Variants in GAS2 observed in about 807,000 individuals in gnomAD.
GAS2 encodes the protein growth arrest-specific protein 2.
Under a neutral mutation model 37.5 loss-of-function variants are expected in GAS2, and 20 were observed. The observed-to-expected ratio is 0.53, with a 90% CI of 0.37 to 0.77. The LOEUF is 0.77. Ranked by LOEUF, GAS2 falls within the 30% of genes least tolerant of loss-of-function variation. GAS2 has a pLI of 0.00. For synonymous variants in GAS2, 144 were observed against 132.2 expected, an observed-to-expected ratio of 1.09 and a Z score of -0.61; for missense variants, 336 against 373.4, an observed-to-expected ratio of 0.90 and a Z score of 0.82.
chr11:22,652,991 T>TTCTTTCTTTCTTTC lies in GAS2; in HGVS notation c.-20-21858_-20-21857insCTTTCTTTCTTTCT, dbSNP rs769554594. On this transcript the variant is annotated intron_variant, in intron 1 of 5. Transcript: ENST00000528582. The stretch of plus-strand genomic sequence containing the variant: ...TCTTTCTTTCTTTGTCTTTCTTTCT[T>TTCTTTCTTTCTTTC]TGTCTTTCTTTCTTTCTTTCTTTCT... Among the ~76,000 whole-genome samples the TTCTTTCTTTCTTTC allele has an allele frequency of 2.4e-3, 15 of 6,304 alleles. No homozygotes were observed. The South Asian group carries it at 0.047, about 20-fold the overall frequency. 4.1% of individuals were successfully genotyped at this position (6,304 alleles called of 152,430 possible).
chr11:22,672,662 A>G (rs1484765616), intron 1 of GAS2: 5 of 152,170 alleles, frequency 3.3e-5, no homozygotes, highest in African/African-American at 1.2e-4. Flanking sequence ...GAAGACAGGC[A>G]TTTTAGAGGT....
intron 1 of GAS2, among the ~76,000 whole-genome samples, chr11:22,654,560 T>C (rs1848834973): frequency 6.6e-6 from 1 of 152,114 alleles, no homozygotes; most frequent in Non-Finnish European, 1.5e-5. Context: ...AATGCCTGGC[T>C]AACTTTTTAA....
chr11:22,686,995 T>C (rs765468949), intron 3 of GAS2, among the ~76,000 whole-genome samples: 11 of 152,224 alleles, frequency 7.2e-5, no homozygotes, highest in African/African-American at 1.2e-4. Context: ...CAAACTTTGC[T>C]GCACATTGGA....
At chr11:22,672,552 G>A (rs1175641230) in intron 1 of GAS2, 1 of 152,114 alleles carries the variant, frequency 6.6e-6, no homozygotes, top group African/African-American at 2.4e-5. Flanking sequence ...GGACTCTGAT[G>A]CTTAAATGGA....
At chr11:22,647,640 T>C (rs1472027178) in intron 1 of GAS2, among the ~76,000 whole-genome samples, 7 of 152,352 alleles carry the variant, frequency 4.6e-5, no homozygotes, top group African/African-American at 1.7e-4. Flanking sequence ...CGGTATCTCA[T>C]TGTGGTTTTG....
intron 4 of GAS2, among the ~76,000 whole-genome samples, chr11:22,727,719 A>G (rs1355065385): frequency 6.6e-6 from 1 of 152,046 alleles, no homozygotes; most frequent in Non-Finnish European, 1.5e-5. Flanking sequence ...GATTATTATT[A>G]CCATTTCCTC....
At chr11:22,680,806 A>G (rs1426512669) in intron 2 of GAS2, among the ~76,000 whole-genome samples, 1 of 152,146 alleles carries the variant, frequency 6.6e-6, no homozygotes, top group Admixed American at 6.5e-5. Flanking sequence ...TCATTTGTGT[A>G]TTCAGCAAAC....
intron 3 of GAS2, among the ~76,000 whole-genome samples, chr11:22,713,900 C>G (rs1022378644): frequency 3.0e-4 from 45 of 152,048 alleles, no homozygotes; most frequent in African/African-American, 1.1e-3. Context: ...AATAGAATGT[C>G]CTTGAAGCAT....
At position 22,650,358 on chromosome 11, in the gene GAS2, T is replaced by C. The variant is rs1848758489; in HGVS notation, c.-20-24492T>C. 2.6e-5 allele frequency among the ~76,000 whole-genome samples: 4 copies of C among 151,228 alleles called. No homozygotes were observed. In the South Asian group the frequency reaches 8.4e-4, roughly 32 times the overall value. ...TCCAAGTATGTGGTCAATTTTGGAA[T>C]AGGTGTGGTGTGGTGCTGAAAAAAA... On this transcript the variant is annotated intron_variant, in intron 1 of 5. Transcript: ENST00000528582.
chr11:22,679,662 AC>A (rs1474636987), intron 2 of GAS2, among the ~76,000 whole-genome samples: 1 of 152,132 alleles, frequency 6.6e-6, no homozygotes, highest in Non-Finnish European at 1.5e-5. Flanking sequence ...ATGATGGCTT[AC>A]CTTTATTTTC....
intron 1 of GAS2, among the ~76,000 whole-genome samples, chr11:22,628,719 A>G (rs904916776): frequency 5.3e-5 from 8 of 152,088 alleles, no homozygotes; most frequent in African/African-American, 1.7e-4. Flanking sequence ...CTGAGATTTT[A>G]GTTCACCCTC....
At chr11:22,735,678 A>AAATC (rs1690825691) in intron 4 of GAS2, among the ~76,000 whole-genome samples, 1 of 151,906 alleles carries the variant, frequency 6.6e-6, no homozygotes, top group African/African-American at 2.4e-5. Context: ...CTTCAGAATG[A>AAATC]ATTTGATTTT....
intron 1 of GAS2, among the ~76,000 whole-genome samples, chr11:22,628,433 A>G (rs947587901): frequency 6.6e-6 from 1 of 152,214 alleles, no homozygotes; most frequent in Admixed American, 6.5e-5. Context: ...ACTGTGTGCC[A>G]TGAATACCAG....
At chr11:22,708,108 G>A (rs1420080595) in intron 3 of GAS2, among the ~76,000 whole-genome samples, 3 of 151,982 alleles carry the variant, frequency 2.0e-5, no homozygotes, top group East Asian at 3.9e-4. Context: ...ACAAAAAGAA[G>A]GGATGAAGGA....
At chr11:22,681,811 A>G (rs569674502) in intron 2 of GAS2, among the ~76,000 whole-genome samples, 80 of 149,544 alleles carry the variant, frequency 5.3e-4, no homozygotes, top group African/African-American at 1.9e-3. Flanking sequence ...GCCATGGATA[A>G]ATTCAGCTAC....
intron 1 of GAS2, among the ~76,000 whole-genome samples, chr11:22,640,658 T>TA (rs969359483): frequency 6.6e-6 from 1 of 152,168 alleles, no homozygotes; most frequent in African/African-American, 2.4e-5. Flanking sequence ...ATTTCTCTCT[T>TA]AAAAAATGAG....
chr11:22,755,239 T>C (rs986547991), intron 6 of GAS2, among the ~76,000 whole-genome samples: 3 of 151,996 alleles, frequency 2.0e-5, no homozygotes, highest in African/African-American at 7.2e-5. Context: ...TAAAACATGG[T>C]CAAAGAAGTA....
At chr11:22,690,855 T>C (rs1239472476) in intron 3 of GAS2, among the ~76,000 whole-genome samples, 3 of 152,116 alleles carry the variant, frequency 2.0e-5, no homozygotes, top group South Asian at 2.1e-4. Flanking sequence ...CCCCTTCCTA[T>C]TGTATATTTG....
Position 22,812,004 on chromosome 11 carries a change from G to A in GAS2, c.930G>A (p.Lys310=), listed in dbSNP as rs139955076. ...LVVSASYKAK[K]EIK ...TCTCTGCCAGTTATAAGGCTAAGAAGGAAATTAAGTGAAACAAATTGGTCA... is the reference window on the plus strand; with the variant it reads ...TCTCTGCCAGTTATAAGGCTAAGAAAGAAATTAAGTGAAACAAATTGGTCA... Residue 310 remains lysine, a synonymous_variant, in exon 8 of 8, where the codon AAG becomes AAA. Coordinates refer to ENST00000454584, the MANE Select transcript of GAS2 (RefSeq NM_001143830.3). The A allele has an allele frequency of 1.9e-6, 3 of 1,613,570 alleles. No homozygotes were observed. The highest frequency in any genetic ancestry group is 2.2e-5 in the East Asian group (1 of 44,882).
Sources: gnomAD v4.1 joint callset for allele counts (sites outside exome capture counted in the v4.1 genomes callset) on GRCh38, gnomAD v4.1.1 for gene constraint, MANE v1.5 for transcripts, NCBI Gene and HGNC (gene_info 2026-07-23, HGNC 2026-07-21) for gene names.